Variants in SLC24A2 observed in about 807,000 individuals in gnomAD.
SLC24A2 encodes solute carrier family 24 member 2.
Under a neutral mutation model 62.0 loss-of-function variants are expected in SLC24A2, and 36 were observed. That is an observed-to-expected ratio of 0.58 (90% CI 0.44 to 0.77). SLC24A2 has a LOEUF of 0.77. Ranked by LOEUF, SLC24A2 falls within the 30% of genes least tolerant of loss-of-function variation. The pLI is 0.00. For missense variants in SLC24A2, 846 were observed against 817.9 expected (o/e 1.03, Z -0.42); for synonymous variants, 358 against 294.0 (o/e 1.22, Z -2.23).
At chr9:20,161,934 C>T in the SLC24A2 span, among the ~76,000 whole-genome samples, 9 of 151,630 alleles carry the variant, frequency 5.9e-5, no homozygotes, top group Non-Finnish European at 1.2e-4. Flanking sequence ...CTAGCTAATG[C>T]GATTACATAC....
chr9:19,653,955 G>A (rs1818871178), intron 2 of SLC24A2, among the ~76,000 whole-genome samples: 1 of 152,116 alleles, frequency 6.6e-6, no homozygotes, highest in South Asian at 2.1e-4. Flanking sequence ...TTACATACGA[G>A]TCACTCATGT....
At chr9:19,826,155 C>G in the SLC24A2 span, among the ~76,000 whole-genome samples, 5 of 113,932 alleles carry the variant, frequency 4.4e-5, no homozygotes, top group African/African-American at 1.7e-4. Flanking sequence ...GAAGTAGTTT[C>G]AGAAGAATGA....
At chr9:19,778,636 A>G (rs191787809) in intron 2 of SLC24A2, among the ~76,000 whole-genome samples, 1 of 152,286 alleles carries the variant, frequency 6.6e-6, no homozygotes, top group East Asian at 1.9e-4. Flanking sequence ...CTGGGTAGTA[A>G]AAAAGTCAAA....
the SLC24A2 span, among the ~76,000 whole-genome samples, chr9:20,298,268 C>T: frequency 6.6e-6 from 1 of 152,198 alleles, no homozygotes; most frequent in Admixed American, 6.5e-5. Context: ...TTACTCTTGC[C>T]ACCCAGGCTG....
At chr9:20,176,717 G>A in the SLC24A2 span, among the ~76,000 whole-genome samples, 46,325 of 151,930 alleles carry the variant, frequency 0.3, 9,626 homozygotes, top group East Asian at 0.78. Flanking sequence ...TACTTTGCTT[G>A]TAAACGTTGA....
At chr9:20,252,960 T>C in the SLC24A2 span, among the ~76,000 whole-genome samples, 1 of 152,230 alleles carries the variant, frequency 6.6e-6, no homozygotes, top group Admixed American at 6.5e-5. Context: ...AATGGGATCA[T>C]TAGTTAATCT....
chr9:19,641,423 G>A (rs1460197793), intron 2 of SLC24A2, among the ~76,000 whole-genome samples: 1 of 152,060 alleles, frequency 6.6e-6, no homozygotes, highest in Non-Finnish European at 1.5e-5. Flanking sequence ...TTTCAAAGAT[G>A]TCTTTCTCTC....
chr9:20,019,155 AAG>A, the SLC24A2 span, among the ~76,000 whole-genome samples: 6 of 117,086 alleles, frequency 5.1e-5, no homozygotes, highest in African/African-American at 3.1e-5. Context: ...GAAAGAAAGA[AAG>A]AGAGAGAGAC....
chr9:19,536,287 G>C (rs1322815394), intron 8 of SLC24A2, among the ~76,000 whole-genome samples: 1 of 149,286 alleles, frequency 6.7e-6, no homozygotes, highest in African/African-American at 2.5e-5. Flanking sequence ...TGCCATGCTG[G>C]TGTGCTGCAC....
the SLC24A2 span, among the ~76,000 whole-genome samples, chr9:20,269,235 T>A: frequency 6.6e-6 from 1 of 152,108 alleles, no homozygotes; most frequent in Non-Finnish European, 1.5e-5. Context: ...TTAATATAAA[T>A]GCATATGAAT....
the SLC24A2 span, among the ~76,000 whole-genome samples, chr9:20,275,174 G>C: frequency 3.3e-5 from 5 of 152,184 alleles, no homozygotes; most frequent in Non-Finnish European, 7.4e-5. Context: ...GAAGCTAAAA[G>C]TAAACATAGA....
upstream of SLC24A2, among the ~76,000 whole-genome samples, chr9:19,792,771 A>G (rs1823335490): frequency 6.6e-6 from 1 of 152,034 alleles, no homozygotes; most frequent in African/African-American, 2.4e-5. Context: ...AAAATAAAGT[A>G]CAGTACTCAT....
the SLC24A2 span, among the ~76,000 whole-genome samples, chr9:19,917,572 T>C: frequency 6.6e-6 from 1 of 151,982 alleles, no homozygotes; most frequent in South Asian, 2.1e-4. Flanking sequence ...TTTTTTTTCA[T>C]ATGGATCATG....
chr9:20,078,510 C>T, the SLC24A2 span, among the ~76,000 whole-genome samples: 102 of 152,252 alleles, frequency 6.7e-4, 2 homozygotes, highest in East Asian at 0.019. Context: ...TATCTTGTCT[C>T]CCTTCCACCC....
the SLC24A2 span, among the ~76,000 whole-genome samples, chr9:20,242,348 T>A: frequency 6.6e-6 from 1 of 152,226 alleles, no homozygotes; most frequent in East Asian, 1.9e-4. Context: ...GACTTCCTAC[T>A]CGATGCATTA....
chr9:20,022,372 G>A, the SLC24A2 span, among the ~76,000 whole-genome samples: 31 of 152,276 alleles, frequency 2.0e-4, no homozygotes, highest in Middle Eastern at 3.4e-3. Flanking sequence ...ATCCTTGGGG[G>A]TAAGTACATT....
chr9:19,803,265 T>C, the SLC24A2 span, among the ~76,000 whole-genome samples: 1 of 152,214 alleles, frequency 6.6e-6, no homozygotes, highest in Non-Finnish European at 1.5e-5. Context: ...TTTTAATTAT[T>C]ATTGACAAAG....
chr9:19,905,947 G>T, the SLC24A2 span, among the ~76,000 whole-genome samples: 2 of 152,066 alleles, frequency 1.3e-5, no homozygotes, highest in African/African-American at 4.8e-5. Flanking sequence ...CGATATCCAG[G>T]AATTGAACTC....
At chr9:19,993,851 A>G in the SLC24A2 span, among the ~76,000 whole-genome samples, 6 of 152,216 alleles carry the variant, frequency 3.9e-5, no homozygotes, top group African/African-American at 1.4e-4. Context: ...CTAGTGATTG[A>G]AAACACAATC....
Sources: gnomAD v4.1 joint callset for allele counts (sites outside exome capture counted in the v4.1 genomes callset) on GRCh38, gnomAD v4.1.1 for gene constraint, MANE v1.5 for transcripts, NCBI Gene and HGNC (gene_info 2026-07-23, HGNC 2026-07-21) for gene names.